Variants in KTN1 observed in about 807,000 individuals in gnomAD.
KTN1 encodes the protein kinectin 1, also known as kinectin.
Under a neutral mutation model 222.5 loss-of-function variants are expected in KTN1, and 130 were observed. That is an observed-to-expected ratio of 0.58 (90% CI 0.51 to 0.68). The LOEUF is 0.68. Ranked by LOEUF, KTN1 falls within the 30% of genes least tolerant of loss-of-function variation. KTN1 has a pLI of 0.00. For missense variants in KTN1, 1,508 were observed against 1,500.4 expected (o/e 1.01, Z -0.08); for synonymous variants, 512 against 496.3 (o/e 1.03, Z -0.42).
intron 16 of KTN1, 22 bp from the exon 17 acceptor site, chr14:55,641,105 A>ATT: frequency 5.5e-6 from 8 of 1,447,102 alleles, no homozygotes; most frequent in South Asian, 2.6e-5. Flanking sequence ...AAGTATTTTA[A>ATT]TTTTTTTTTT....
intron 41 of KTN1, 47 bp downstream of exon 41, chr14:55,675,965 T>C (rs773091658): frequency 5.3e-6 from 7 of 1,324,776 alleles, no homozygotes; most frequent in African/African-American, 1.5e-5. Flanking sequence ...GCCTGTGTTG[T>C]GTGTTCAATC....
At chr14:55,597,552 A>G (rs2035259113) in intron 1 of KTN1, among the ~76,000 whole-genome samples, 1 of 152,334 alleles carries the variant, frequency 6.6e-6, no homozygotes, top group South Asian at 2.1e-4. Context: ...GAATATGAAC[A>G]TTAAAATTGA....
chr14:55,663,574 C>G (rs1039832530), intron 32 of KTN1: 1 of 174,394 alleles, frequency 5.7e-6, no homozygotes, highest in African/African-American at 2.4e-5. Context: ...GTTTAAACAT[C>G]ACATGAAAAG....
rs200386291 is a variant in KTN1, at chr14:55,631,344, A to T, written c.1221+1247A>T. 1.4e-3 allele frequency among the ~76,000 whole-genome samples: 120 copies of T among 85,156 alleles called. 1 individual carries two copies. The highest frequency in any genetic ancestry group is 6.0e-3 in the South Asian group (15 of 2,504). 55.9% of individuals were successfully genotyped at this position (85,156 alleles called of 152,430 possible). A position where few individuals can be genotyped will look rare whatever the true frequency, so the allele number is the denominator to read the frequency against. ...AAACTCACCTATTGATAAGGTTGAT[A>T]TATATATATATATATATATATATAT... On this transcript the variant is annotated intron_variant, in intron 7 of 43. Transcript: ENST00000395314.
chr14:55,586,795 A>G (rs1398029208), intron 1 of KTN1, among the ~76,000 whole-genome samples: 4 of 152,174 alleles, frequency 2.6e-5, no homozygotes, highest in African/African-American at 9.6e-5. Context: ...ACCACATGCT[A>G]TAAAATGTTT....
chr14:55,581,442 G>GGTGT (rs369432241), intron 1 of KTN1, among the ~76,000 whole-genome samples: 186 of 150,768 alleles, frequency 1.2e-3, no homozygotes, highest in African/African-American at 4.1e-3. Flanking sequence ...TAACTGTTAA[G>GGTGT]GTGTGTGTGT....
intron 7 of KTN1, among the ~76,000 whole-genome samples, chr14:55,631,366 A>ATATATATATATATATATATATATC (rs1166499462): frequency 6.9e-6 from 1 of 145,956 alleles, no homozygotes; most frequent in African/African-American, 2.5e-5. Context: ...ATATATATAT[A>ATATATATATATATATATATATATC]TATGTATTTT....
chr14:55,675,778 G>C, intron 40 of KTN1, 57 bp from the exon 41 acceptor site: 2 of 1,151,236 alleles, frequency 1.7e-6, no homozygotes, highest in East Asian at 4.8e-5. Context: ...AGAGGTATCA[G>C]CATAATCAAA....
At chr14:55,581,494 G>T (rs2031631921) in intron 1 of KTN1, among the ~76,000 whole-genome samples, 1 of 152,004 alleles carries the variant, frequency 6.6e-6, no homozygotes, top group Admixed American at 6.6e-5. Flanking sequence ...GGAAAGCCTT[G>T]AGTAAAGAGC....
At chr14:55,672,497 A>T in intron 37 of KTN1, 133 bp from the exon 38 acceptor site, 2 of 577,042 alleles carry the variant, frequency 3.5e-6, no homozygotes, top group Non-Finnish European at 3.1e-6. Flanking sequence ...AAGGTCTTTT[A>T]AAATTCATCT....
chr14:55,639,433 T>A (rs566081914), intron 13 of KTN1, among the ~76,000 whole-genome samples: 14 of 151,750 alleles, frequency 9.2e-5, no homozygotes, highest in African/African-American at 3.4e-4. Flanking sequence ...CTGCTTTTAT[T>A]TATGTTTTTA....
At chr14:55,598,692 A>G (rs928548372) in intron 1 of KTN1, among the ~76,000 whole-genome samples, 2 of 152,284 alleles carry the variant, frequency 1.3e-5, no homozygotes, top group East Asian at 1.9e-4. Context: ...CATTGTTTCT[A>G]TGGAGATTTT....
At chr14:55,617,909 A>G (rs1480410949) in intron 3 of KTN1, 55 bp from the exon 4 acceptor site, 2 of 1,271,858 alleles carry the variant, frequency 1.6e-6, no homozygotes, top group East Asian at 4.9e-5. Flanking sequence ...CTTGCATGTC[A>G]TTTACTCTGT....
chr14:55,653,117 A>C (rs549579194), intron 27 of KTN1, 32 bp downstream of exon 27: 8 of 1,292,866 alleles, frequency 6.2e-6, no homozygotes, highest in Non-Finnish European at 8.9e-6. Context: ...AACATGTTAC[A>C]TAAGGAATGA....
chr14:55,642,484 T>C (rs765696338), intron 18 of KTN1, among the ~76,000 whole-genome samples: 10 of 152,214 alleles, frequency 6.6e-5, no homozygotes, highest in Non-Finnish European at 1.3e-4. Context: ...CGTACTCTTC[T>C]TCTACGCAGC....
chr14:55,593,015 A>C (rs765532927), intron 1 of KTN1, among the ~76,000 whole-genome samples: 9 of 152,056 alleles, frequency 5.9e-5, no homozygotes, highest in Non-Finnish European at 1.0e-4. Flanking sequence ...ATACTAGGTG[A>C]ATTCATTACT....
intron 29 of KTN1, among the ~76,000 whole-genome samples, chr14:55,658,145 G>A (rs2141191338): frequency 6.6e-6 from 1 of 152,120 alleles, no homozygotes; most frequent in South Asian, 2.1e-4. Flanking sequence ...TCACAGCTGG[G>A]GCAGGCGGGC....
At chr14:55,683,706 TAAAAA>T (rs5808818) in intron 43 of KTN1, 30 of 151,372 alleles carry the variant, frequency 2.0e-4, no homozygotes, top group Non-Finnish European at 3.3e-4. Flanking sequence ...TCATATGACC[TAAAAA>T]AAAAAAAAAA....
chr14:55,678,579 T>A, intron 42 of KTN1, 135 bp downstream of exon 42: 1 of 632,646 alleles, frequency 1.6e-6, no homozygotes, highest in Non-Finnish European at 2.8e-6. Context: ...AGTGTTTTCA[T>A]TGATGTTTGA....
Sources: gnomAD v4.1 joint callset for allele counts (sites outside exome capture counted in the v4.1 genomes callset) on GRCh38, gnomAD v4.1.1 for gene constraint, MANE v1.5 for transcripts, NCBI Gene and HGNC (gene_info 2026-07-23, HGNC 2026-07-21) for gene names.